The following LMO1 variants were observed in gnomAD, a reference collection of about 807,000 sequenced individuals.
LMO1 encodes rhombotin-1.
In LMO1, 10 loss-of-function variants were observed where a neutral mutation model predicts 18.0. The ratio of observed to expected loss-of-function variants is 0.55; its 90% confidence interval spans 0.34 to 0.94. LMO1 has a LOEUF of 0.94. Ranked by LOEUF, LMO1 falls within the 40% of genes least tolerant of loss-of-function variation. The pLI is 0.02. For synonymous variants in LMO1, 77 were observed against 77.9 expected, an observed-to-expected ratio of 0.99 and a Z score of 0.06; for missense variants, 183 against 205.7, an observed-to-expected ratio of 0.89 and a Z score of 0.68.
intron 1 of LMO1, among the ~76,000 whole-genome samples, chr11:8,259,822 G>A (rs1018354601): frequency 2.6e-5 from 4 of 152,236 alleles, no homozygotes; most frequent in South Asian, 4.1e-4. Context: ...TAACTGAGTC[G>A]GCTGTGGAAT....
At chr11:8,256,184 T>C (rs2134579350) in intron 1 of LMO1, among the ~76,000 whole-genome samples, 1 of 152,316 alleles carries the variant, frequency 6.6e-6, no homozygotes, top group East Asian at 1.9e-4. Flanking sequence ...TTATGACTCC[T>C]AAAGACTGAG....
At chr11:8,228,566 A>C (rs1328243517) in intron 2 of LMO1, among the ~76,000 whole-genome samples, 1 of 151,844 alleles carries the variant, frequency 6.6e-6, no homozygotes, top group Non-Finnish European at 1.5e-5. Flanking sequence ...GCCATTCTCC[A>C]GGCCTGAGCA....
At chr11:8,255,513 G>C (rs10769890) in intron 1 of LMO1, among the ~76,000 whole-genome samples, 84,869 of 152,032 alleles carry the variant, frequency 0.56, 27,482 homozygotes, top group Non-Finnish European at 0.72. Flanking sequence ...AAAAGAGAAG[G>C]CTTTTGTGCT....
intron 1 of LMO1, among the ~76,000 whole-genome samples, chr11:8,259,798 C>T (rs1293624929): frequency 1.3e-5 from 2 of 152,210 alleles, no homozygotes; most frequent in Admixed American, 6.5e-5. Context: ...AGCCATGCGC[C>T]GGCTCTGGTG....
At chr11:8,255,019 A>G (rs1274055831) in intron 1 of LMO1, among the ~76,000 whole-genome samples, 7 of 152,218 alleles carry the variant, frequency 4.6e-5, no homozygotes, top group African/African-American at 1.7e-4. Context: ...CTGATTACAA[A>G]AATGGCCCCA....
At position 8,230,296 on chromosome 11, in the gene LMO1, G is replaced by T; in HGVS notation, c.234C>A (p.Tyr78Ter). ...KANLILCRRD[Y>*]LRLFGTTGNC... ...GCCAGGGTTTGGCAGCCCACCTCAGGTAGTCGCGTCGGCACAGGATGAGGT... is the reference window on the plus strand; with the variant it reads ...GCCAGGGTTTGGCAGCCCACCTCAGTTAGTCGCGTCGGCACAGGATGAGGT... The change falls in exon 2 of 4, where the codon TAC becomes TAA. Residue 78 changes from tyrosine (Y) to a stop codon, truncating the protein, a stop_gained. Transcript: ENST00000335790. LOFTEE classifies it high-confidence loss of function. 1 of 1,613,484 alleles carries T rather than the reference G, an allele frequency of 6.2e-7. No homozygotes were observed. Among genetic ancestry groups the T allele is most frequent in the Non-Finnish European group, 8.5e-7 (1 of 1,179,844 alleles).
In LMO1 at chr11:8,226,962, GTCCA is replaced by G; in HGVS notation, c.365+9_365+12del. 1 of 1,610,754 alleles carries G rather than the reference GTCCA, an allele frequency of 6.2e-7. No homozygotes were observed. Among genetic ancestry groups the G allele is most frequent in the African/African-American group, 1.3e-5 (1 of 75,006 alleles). On this transcript the variant is annotated intron_variant, in intron 3 of 3. Transcript: ENST00000335790. ...TCTGGGGAGTGTGTTGGGTCGGCCAGTCCAGCACTGACCTCTGGTTGCAGAGCTG... is the reference window on the plus strand; with the variant it reads ...TCTGGGGAGTGTGTTGGGTCGGCCAGGCACTGACCTCTGGTTGCAGAGCTG...
chr11:8,248,647 G>A (rs765047378), intron 1 of LMO1, among the ~76,000 whole-genome samples: 21 of 152,352 alleles, frequency 1.4e-4, no homozygotes, highest in Admixed American at 2.6e-4. Flanking sequence ...AGGGTAGGGA[G>A]ACCGTGAGCC....
At chr11:8,230,648 C>T in intron 1 of LMO1, 144 bp from the exon 2 acceptor site, 2 of 763,634 alleles carry the variant, frequency 2.6e-6, no homozygotes, top group South Asian at 1.7e-5. Context: ...CGCTTTCTCC[C>T]CAATAACCTC....
At position 8,224,442 on chromosome 11, in the gene LMO1, C is replaced by G. The variant is rs1333422186; in HGVS notation, c.*174G>C. ...GCCTGGCCCCAGGAGGGGTCACACA[C>G]AGACGGGCGGTGGTGGAGGAGGAAG... On this transcript the variant is annotated 3_prime_UTR_variant, in exon 4 of 4. Transcript: ENST00000335790. 6.8e-6 allele frequency: 4 copies of G among 591,262 alleles called. No homozygotes were observed. Among genetic ancestry groups the G allele is most frequent in the Non-Finnish European group, 1.2e-5 (4 of 331,950 alleles). 36.6% of individuals were successfully genotyped at this position (591,262 alleles called of 1,614,324 possible).
At chr11:8,236,401 C>T (rs1952761093) in intron 1 of LMO1, among the ~76,000 whole-genome samples, 1 of 151,198 alleles carries the variant, frequency 6.6e-6, no homozygotes, top group South Asian at 2.1e-4. Flanking sequence ...GACAAGGTCT[C>T]AACTATGTTG....
upstream of LMO1, among the ~76,000 whole-genome samples, chr11:8,267,099 G>A (rs1277011301): frequency 6.6e-6 from 1 of 152,222 alleles, no homozygotes; most frequent in Non-Finnish European, 1.5e-5. Context: ...GGTTTCTGGA[G>A]AGCCTGGACA....
At chr11:8,224,791 A>G in intron 3 of LMO1, 70 bp from the exon 4 acceptor site, 1 of 971,292 alleles carries the variant, frequency 1.0e-6, no homozygotes. Flanking sequence ...CTGCAGACAG[A>G]AGCCGGCCTG....
chr11:8,237,198 G>A (rs1211026794), intron 1 of LMO1, among the ~76,000 whole-genome samples: 5 of 151,528 alleles, frequency 3.3e-5, no homozygotes. Context: ...CTGGGTCCCT[G>A]TCACCTTGTA....
In LMO1 at chr11:8,263,431, T is replaced by C; in HGVS notation, c.-69A>G. The C allele has an allele frequency of 6.3e-7, 1 of 1,585,848 alleles. No homozygotes were observed. The highest frequency in any genetic ancestry group is 8.5e-7 in the Non-Finnish European group (1 of 1,172,056). On this transcript the variant is annotated 5_prime_UTR_variant, in exon 1 of 4. Coordinates refer to ENST00000335790, the MANE Select transcript of LMO1 (RefSeq NM_002315.3). ...AAGGGCGCCGACTCGGGGCGCGCTT[T>C]GGAGGGGCGGCCGGTCTTCGGGCAG...
At chr11:8,224,754 G>C (rs1176396805) in intron 3 of LMO1, 33 bp from the exon 4 acceptor site, 1 of 1,465,980 alleles carries the variant, frequency 6.8e-7, no homozygotes, top group East Asian at 2.4e-5. Context: ...AGAAGCCATG[G>C]GAAGGTCCCA....
chr11:8,233,905 C>T (rs1952716139), intron 1 of LMO1, among the ~76,000 whole-genome samples: 1 of 152,148 alleles, frequency 6.6e-6, no homozygotes, highest in Admixed American at 6.5e-5. Context: ...GTACTCCTGA[C>T]TTTAGAAAAA....
At chr11:8,227,472 C>A (rs1404417176) in intron 2 of LMO1, among the ~76,000 whole-genome samples, 1 of 152,174 alleles carries the variant, frequency 6.6e-6, no homozygotes, top group Non-Finnish European at 1.5e-5. Context: ...GGGTTGTGTG[C>A]CCTCAGGCAA....
rs1181361519 is a variant in LMO1 at position 8,242,580 on chromosome 11, G to A, written c.26-12076C>T. ...CCCCATCCCATCCTGGGCTGCTGGA[G>A]CCAGCCCCTGTGTTCCTTAACGGGA... On this transcript the variant is annotated intron_variant, in intron 1 of 3. Coordinates refer to ENST00000335790, the MANE Select transcript of LMO1 (RefSeq NM_002315.3). Among the ~76,000 whole-genome samples the A allele has an allele frequency of 6.6e-5, 10 of 152,164 alleles. 1 individual carries two copies. The highest frequency in any genetic ancestry group is 6.5e-4 in the Admixed American group (10 of 15,276).
Sources: gnomAD v4.1 joint callset for allele counts (sites outside exome capture counted in the v4.1 genomes callset) on GRCh38, gnomAD v4.1.1 for gene constraint, MANE v1.5 for transcripts, NCBI Gene and HGNC (gene_info 2026-07-23, HGNC 2026-07-21) for gene names.